DNAH5: variants seen among roughly 807,000 people sequenced by gnomAD.
DNAH5 encodes axonemal beta dynein heavy chain 5.
A neutral mutation model predicts 518.2 loss-of-function variants in DNAH5; 372 were observed. The ratio of observed to expected loss-of-function variants is 0.72; its 90% CI spans 0.66 to 0.78. The LOEUF is 0.78. Ranked by LOEUF, DNAH5 falls within the 30% of genes least tolerant of loss-of-function variation. DNAH5 has a pLI of 0.00. For missense variants in DNAH5, 5,523 were observed against 5,687.0 expected, an observed-to-expected ratio of 0.97 and a Z score of 0.93; for synonymous variants, 2,039 against 2,025.9, an observed-to-expected ratio of 1.01 and a Z score of -0.17.
At chr5:13,989,291 G>A (rs557084587) in intron 1 of DNAH5, among the ~76,000 whole-genome samples, 30 of 152,040 alleles carry the variant, frequency 2.0e-4, no homozygotes, top group African/African-American at 7.0e-4. Context: ...TCATTTACTG[G>A]AGTGCTATAC....
intron 19 of DNAH5, among the ~76,000 whole-genome samples, chr5:13,884,612 G>A (rs1032649936): frequency 5.9e-5 from 9 of 152,214 alleles, no homozygotes; most frequent in Non-Finnish European, 8.8e-5. Flanking sequence ...CGGGGCGGGC[G>A]GATCACCTGA....
At chr5:14,008,324 AAG>A (rs1020549183) in intron 1 of DNAH5, among the ~76,000 whole-genome samples, 1 of 70,134 alleles carries the variant, frequency 1.4e-5, no homozygotes, top group Non-Finnish European at 2.8e-5. Flanking sequence ...GGAATGAAGA[AAG>A]AAAGAGGGAG....
intron 1 of DNAH5, among the ~76,000 whole-genome samples, chr5:13,978,340 T>A (rs1350497618): frequency 6.6e-6 from 1 of 152,196 alleles, no homozygotes; most frequent in African/African-American, 2.4e-5. Context: ...TACGGGAGAT[T>A]ACCGTCCAGA....
intron 16 of DNAH5, among the ~76,000 whole-genome samples, chr5:13,894,302 G>T (rs1486199422): frequency 6.6e-6 from 1 of 152,070 alleles, no homozygotes; most frequent in Non-Finnish European, 1.5e-5. Flanking sequence ...GTTCAGCACT[G>T]TACTCTATCC....
At chr5:13,809,886 A>T (rs969709992) in intron 45 of DNAH5, among the ~76,000 whole-genome samples, 173 bp downstream of exon 45, 2 of 152,266 alleles carry the variant, frequency 1.3e-5, no homozygotes, top group African/African-American at 4.8e-5. Flanking sequence ...TGAAATACAA[A>T]GTAGATTTTT....
intron 52 of DNAH5, among the ~76,000 whole-genome samples, chr5:13,782,141 A>G (rs1755254429): frequency 6.6e-6 from 1 of 152,106 alleles, no homozygotes; most frequent in Non-Finnish European, 1.5e-5. Flanking sequence ...TAGGGGTATC[A>G]CTGCGATGTC....
intron 1 of DNAH5, among the ~76,000 whole-genome samples, chr5:13,951,828 A>G (rs910017181): frequency 6.6e-6 from 1 of 152,200 alleles, no homozygotes; most frequent in Non-Finnish European, 1.5e-5. Context: ...GTTAGTTTTC[A>G]TTAAAAAGAG....
At chr5:13,889,754 C>A (rs746035511) in intron 17 of DNAH5, among the ~76,000 whole-genome samples, 1 of 152,118 alleles carries the variant, frequency 6.6e-6, no homozygotes, top group Non-Finnish European at 1.5e-5. Flanking sequence ...GAGCTCCGGG[C>A]AAGCCTCACA....
chr5:13,915,901 A>G (rs1776598146), intron 9 of DNAH5, among the ~76,000 whole-genome samples: 1 of 152,154 alleles, frequency 6.6e-6, no homozygotes, highest in Admixed American at 6.6e-5. Context: ...GAACATTGCA[A>G]GTGGCTTTTA....
chr5:13,952,761 G>A (rs1044642844), intron 1 of DNAH5, among the ~76,000 whole-genome samples: 6 of 152,092 alleles, frequency 3.9e-5, no homozygotes, highest in East Asian at 1.9e-4. Context: ...AAAATAACCC[G>A]TTTATTTACC....
chr5:13,716,513 C>G lies in DNAH5; in HGVS notation c.12883G>C (p.Val4295Leu). 6.2e-7 allele frequency: 1 copy of G among 1,613,798 alleles called. No individual in the cohort carries two copies. The highest frequency in any genetic ancestry group is 8.5e-7 in the Non-Finnish European group (1 of 1,179,772). The stretch of plus-strand genomic sequence containing the variant: ...TGGATATACTGAAGATAGTTATCCA[C>G]TGTGCTGCATTTTGGAATATTGTAT... Reference protein sequence around the residue: ...QGYNIPKCSTVDNYLQYIQSL... With the variant: ...QGYNIPKCSTLDNYLQYIQSL... Residue 4295 changes from valine (V) to leucine (L), a missense_variant, in exon 74 of 79, where the codon GTG (valine) becomes CTG (leucine). Val to Leu is a conservative substitution (Grantham distance 32). Around this residue, in one of 3 missense-constraint regions of DNAH5, gnomAD observed 387 missense variants for 430.0 expected, o/e 0.90. Coordinates refer to ENST00000265104, the MANE Select transcript of DNAH5 (RefSeq NM_001369.3).
At chr5:13,781,789 C>T (rs567630620) in intron 52 of DNAH5, among the ~76,000 whole-genome samples, 1 of 152,044 alleles carries the variant, frequency 6.6e-6, no homozygotes, top group Admixed American at 6.5e-5. Context: ...TGAAAACGAA[C>T]TAATACATAT....
chr5:13,917,188 C>T lies in DNAH5; in HGVS notation c.1044G>A (p.Leu348=), dbSNP rs2151986750. 1.2e-6 allele frequency: 2 copies of T among 1,613,964 alleles called. No homozygotes were observed. Among genetic ancestry groups the T allele is most frequent in the Non-Finnish European group, 1.7e-6 (2 of 1,179,944 alleles). Residue 348 remains leucine (L), a synonymous_variant, in exon 8 of 79, where the codon TTG becomes TTA. Coordinates refer to ENST00000265104, the MANE Select transcript of DNAH5 (RefSeq NM_001369.3). ...GGTCACAACATTTTTCAAGTGTATA[C>T]AAGTATTTCACATTGTCCTTTGCTT... ...TNEAKDNVKY[L]YTLEKCCDPL... is the part of the protein sequence containing the mutation.
intron 65 of DNAH5, among the ~76,000 whole-genome samples, chr5:13,747,963 T>A (rs1749643536): frequency 6.6e-6 from 1 of 152,222 alleles, no homozygotes; most frequent in Admixed American, 6.5e-5. Context: ...CATGCCTATG[T>A]CCTGAATGGT....
chr5:13,985,453 A>ATATATATC (rs1261063389), intron 1 of DNAH5, among the ~76,000 whole-genome samples: 1 of 145,392 alleles, frequency 6.9e-6, no homozygotes, highest in Non-Finnish European at 1.5e-5. Flanking sequence ...ATATATATAT[A>ATATATATC]TATATATATA....
At chr5:13,773,961 C>A (rs939916530) in intron 55 of DNAH5, among the ~76,000 whole-genome samples, 1 of 151,642 alleles carries the variant, frequency 6.6e-6, no homozygotes, top group African/African-American at 2.4e-5. Flanking sequence ...GAAAACAGAG[C>A]AGGAAAGAAA....
rs1333930009 is a variant in DNAH5, at chr5:13,726,856, C to G, written c.12033+651G>C. Among the ~76,000 whole-genome samples the G allele has an allele frequency of 2.0e-5, 3 of 152,184 alleles. No homozygotes were observed. In the East Asian group the frequency reaches 5.8e-4, roughly 29 times the overall value. On this transcript the variant is annotated intron_variant, in intron 70 of 78. Coordinates refer to ENST00000265104, the MANE Select transcript of DNAH5 (RefSeq NM_001369.3). ...TTGGAAAAGCCCTTAAGGAGTCAAC[C>G]TGGGCTGAATATCAGCGTTAAACTT...
In DNAH5 at chr5:13,780,871, G is replaced by C; in HGVS notation, c.8909C>G (p.Ser2970Ter). Residue 2970 changes from serine to a stop codon, truncating the protein, a stop_gained, in exon 53 of 79, where the codon TCA becomes TGA. Coordinates refer to ENST00000265104, the MANE Select transcript of DNAH5 (RefSeq NM_001369.3). LOFTEE classifies it high-confidence loss of function. ...GAAGGAAACGTAGCCAGCAATGAAT[G>C]AAGCCAACCTCGTCAGGCTCTGCTT... ...SGKQSLTRLA[S>*]FIAGYVSFQI... 2 of 1,613,768 alleles carry C rather than the reference G, an allele frequency of 1.2e-6. No individual in the cohort carries two copies. The highest frequency in any genetic ancestry group is 1.7e-6 in the Non-Finnish European group (2 of 1,179,794).
chr5:13,748,094 G>A (rs1487695878), intron 65 of DNAH5, among the ~76,000 whole-genome samples: 4 of 152,006 alleles, frequency 2.6e-5, no homozygotes, highest in Non-Finnish European at 4.4e-5. Context: ...GCTTTCTACA[G>A]ATGGCTAGCC....
Sources: allele counts gnomAD v4.1 joint callset (sites outside exome capture counted in the v4.1 genomes callset), GRCh38; gene constraint gnomAD v4.1.1; regional missense constraint gnomAD v4.1.1; transcripts MANE v1.5; gene names NCBI Gene and HGNC (gene_info 2026-07-23, HGNC 2026-07-21).